Variants in ZC3H12B observed in about 807,000 individuals in gnomAD.
The protein encoded by ZC3H12B is zinc finger CCCH-type containing 12B.
ZC3H12B carries 7 observed loss-of-function variants against 43.9 expected under a neutral mutation model. The ratio of observed to expected loss-of-function variants is 0.16; its 90% CI spans 0.09 to 0.30. The LOEUF (loss-of-function observed/expected upper bound fraction) is 0.30, where lower values mean the gene tolerates loss of function less well. Among genes scored for constraint, ZC3H12B ranks in the 10% least tolerant of loss-of-function variants. ZC3H12B has a pLI of 1.00. For missense variants in ZC3H12B, 475 were observed against 670.2 expected, an observed-to-expected ratio of 0.71 and a Z score of 3.22; for synonymous variants, 222 against 241.7, an observed-to-expected ratio of 0.92 and a Z score of 0.76.
chrX:65,167,876 C>T, the ZC3H12B span, among the ~76,000 whole-genome samples: 1 of 112,174 alleles, frequency 8.9e-6, no homozygotes, highest in Non-Finnish European at 1.9e-5. Context: ...GATTTTTACA[C>T]ATTAGTTCTG....
chrX:65,475,925 G>C (rs2067986179), intron 3 of ZC3H12B, among the ~76,000 whole-genome samples: 1 of 112,000 alleles, frequency 8.9e-6, no homozygotes, highest in Non-Finnish European at 1.9e-5. Flanking sequence ...GTGAGATTTG[G>C]GTGGGGACAT....
the ZC3H12B span, among the ~76,000 whole-genome samples, chrX:65,334,558 AT>A: frequency 2.7e-5 from 3 of 112,352 alleles, no homozygotes; most frequent in African/African-American, 9.7e-5. Flanking sequence ...TGAAAAAAAT[AT>A]TTTTAAGCCA....
the ZC3H12B span, among the ~76,000 whole-genome samples, chrX:65,173,435 C>T: frequency 9.0e-6 from 1 of 111,585 alleles, no homozygotes; most frequent in Admixed American, 9.6e-5. Context: ...CCTGATTGTG[C>T]TAGTCAGAAC....
chrX:65,250,622 C>A, the ZC3H12B span, among the ~76,000 whole-genome samples: 9 of 111,615 alleles, frequency 8.1e-5, no homozygotes, highest in African/African-American at 2.9e-4. Flanking sequence ...TTTTAATGAT[C>A]ACCATTCTAA....
chrX:65,189,578 G>T, the ZC3H12B span, among the ~76,000 whole-genome samples: 1 of 105,915 alleles, frequency 9.4e-6, no homozygotes, highest in Non-Finnish European at 1.9e-5. Flanking sequence ...TGTGTTTTTT[G>T]GCTGCATAAA....
At chrX:65,086,752 A>T in the ZC3H12B span, among the ~76,000 whole-genome samples, 1 of 112,234 alleles carries the variant, frequency 8.9e-6, no homozygotes, top group African/African-American at 3.2e-5. Context: ...TGTCTCCAGA[A>T]CTGTGAGAAA....
At chrX:65,439,381 C>T (rs765470198) in intron 3 of ZC3H12B, among the ~76,000 whole-genome samples, 2 of 111,465 alleles carry the variant, frequency 1.8e-5, no homozygotes, top group East Asian at 2.8e-4. Context: ...GGCAGTGGCA[C>T]GCAGACTGAG....
At chrX:65,330,821 C>G in the ZC3H12B span, 178 of 189,603 alleles carry the variant, frequency 9.4e-4, no homozygotes, top group Non-Finnish European at 1.6e-3. Context: ...TTTTATCTAC[C>G]CAGGCCCTTT....
chrX:65,327,132 C>T, the ZC3H12B span, among the ~76,000 whole-genome samples: 1 of 111,065 alleles, frequency 9.0e-6, no homozygotes, highest in East Asian at 2.8e-4. Context: ...GGAATTTACC[C>T]AAAAGATTTA....
upstream of ZC3H12B, among the ~76,000 whole-genome samples, chrX:65,486,743 A>T (rs1443091302): frequency 8.9e-6 from 1 of 112,570 alleles, no homozygotes; most frequent in East Asian, 2.8e-4. Flanking sequence ...TTGCATGTCT[A>T]CATAAGCATG....
upstream of ZC3H12B, among the ~76,000 whole-genome samples, chrX:65,363,121 T>C (rs1428317719): frequency 1.8e-5 from 2 of 111,282 alleles, no homozygotes; most frequent in African/African-American, 6.6e-5. Flanking sequence ...CCAAGCTCTT[T>C]CTCGTGATTT....
the ZC3H12B span, among the ~76,000 whole-genome samples, chrX:65,331,854 G>C: frequency 9.0e-6 from 1 of 111,250 alleles, no homozygotes; most frequent in Non-Finnish European, 1.9e-5. Context: ...TTACAGCATT[G>C]GTGGAAGTGT....
intron 2 of ZC3H12B, among the ~76,000 whole-genome samples, chrX:65,372,325 A>G (rs773304557): frequency 8.9e-6 from 1 of 111,755 alleles, no homozygotes; most frequent in Admixed American, 9.6e-5. Context: ...TCCAAGTCCA[A>G]GTAAATGTAG....
chrX:65,185,017 T>G, the ZC3H12B span: 1 of 111,709 alleles, frequency 9.0e-6, no homozygotes, highest in Non-Finnish European at 1.9e-5. Flanking sequence ...TTTCTCAGGT[T>G]TTGAAGACCT....
the ZC3H12B span, chrX:65,271,494 T>G: frequency 3.5e-5 from 4 of 112,680 alleles, no homozygotes; most frequent in African/African-American, 1.3e-4. Context: ...CAACCTCTGT[T>G]GGTTTCAATT....
the ZC3H12B span, among the ~76,000 whole-genome samples, chrX:65,147,248 G>T: frequency 1.8e-5 from 2 of 112,040 alleles, no homozygotes; most frequent in Non-Finnish European, 3.8e-5. Flanking sequence ...TTCTGGGCAG[G>T]CTGTCTGGTA....
the ZC3H12B span, among the ~76,000 whole-genome samples, chrX:65,194,066 CG>C: frequency 9.1e-6 from 1 of 109,329 alleles, no homozygotes; most frequent in South Asian, 4.0e-4. Context: ...AGCAGTGGCA[CG>C]GGGGTAATGC....
intron 3 of ZC3H12B, among the ~76,000 whole-genome samples, chrX:65,409,569 C>T (rs1452321618): frequency 1.8e-5 from 2 of 108,693 alleles, no homozygotes; most frequent in East Asian, 6.1e-4. Flanking sequence ...CACACACACA[C>T]ACACACACAC....
At chrX:65,312,284 G>A in the ZC3H12B span, among the ~76,000 whole-genome samples, 1 of 111,872 alleles carries the variant, frequency 8.9e-6, no homozygotes, top group Non-Finnish European at 1.9e-5. Context: ...CTGGAATGGT[G>A]AGTTGCATAA....
Sources: allele counts gnomAD v4.1 joint callset (sites outside exome capture counted in the v4.1 genomes callset), GRCh38; gene constraint gnomAD v4.1.1; transcripts MANE v1.5; gene names NCBI Gene and HGNC (gene_info 2026-07-23, HGNC 2026-07-21).